The following EXOC3 variants were observed in gnomAD, a reference collection of about 807,000 sequenced individuals.
EXOC3 encodes the protein exocyst complex component 3.
EXOC3 carries 21 observed loss-of-function variants against 73.7 expected under a neutral mutation model. That is an observed-to-expected ratio of 0.29 (90% CI 0.20 to 0.41). The LOEUF is 0.41. EXOC3 is among the 10% of genes least tolerant of loss of function. The pLI, the probability that EXOC3 is intolerant of heterozygous loss-of-function variation, is 1.00. For synonymous variants in EXOC3, 410 were observed against 389.1 expected, an observed-to-expected ratio of 1.05 and a Z score of -0.63; for missense variants, 842 against 985.1, an observed-to-expected ratio of 0.85 and a Z score of 1.95.
At chr5:446,387 G>A in intron 2 of EXOC3, 38 bp downstream of exon 2, 1 of 1,531,312 alleles carries the variant, frequency 6.5e-7, no homozygotes, top group Non-Finnish European at 8.7e-7. Context: ...TCTGTCTTGG[G>A]CTTCAGGTTC....
At chr5:464,518 C>T (rs1244917652) in intron 10 of EXOC3, 106 bp downstream of exon 10, 2 of 1,276,698 alleles carry the variant, frequency 1.6e-6, no homozygotes, top group Non-Finnish European at 2.2e-6. Context: ...TGAACGTTCA[C>T]TTGTTGTCCT....
intron 6 of EXOC3, 74 bp downstream of exon 6, chr5:458,099 C>T (rs1302246014): frequency 4.1e-6 from 6 of 1,472,856 alleles, no homozygotes; most frequent in Non-Finnish European, 5.6e-6. Flanking sequence ...TACAAAGTGA[C>T]ACAGATACCT....
intron 12 of EXOC3, 168 bp from the exon 13 acceptor site, chr5:466,559 T>C: frequency 3.3e-6 from 2 of 599,388 alleles, no homozygotes; most frequent in Non-Finnish European, 5.8e-6. Flanking sequence ...CAGAGTAAGA[T>C]GAAAATGCAG....
At chr5:450,480 C>G (rs1016149311) in intron 3 of EXOC3, among the ~76,000 whole-genome samples, 2 of 152,088 alleles carry the variant, frequency 1.3e-5, no homozygotes, top group Admixed American at 1.3e-4. Flanking sequence ...GAAGACTGTC[C>G]CATGTGCACG....
Position 457,030 on chromosome 5 carries a change from C to T in EXOC3, c.1164+24C>T, listed in dbSNP as rs1737839167. The T allele has an allele frequency of 2.0e-6, 3 of 1,530,810 alleles. No individual in the cohort carries two copies. In the South Asian group the frequency reaches 3.4e-5, roughly 17 times the overall value. 94.8% of individuals were successfully genotyped at this position (1,530,810 alleles called of 1,614,324 possible). A position where few individuals can be genotyped will look rare whatever the true frequency, so the allele number is the denominator to read the frequency against. On this transcript the variant is annotated intron_variant, in intron 5 of 12. Coordinates refer to ENST00000512944, the MANE Select transcript of EXOC3 (RefSeq NM_007277.5). ...CTGTGAGTAGGGCTGGCCTGCGTGCCACAGACCACCGTGCTGGTTATATGA... is the reference window on the plus strand; with the variant it reads ...CTGTGAGTAGGGCTGGCCTGCGTGCTACAGACCACCGTGCTGGTTATATGA...
chr5:465,289 T>TC lies in EXOC3; in HGVS notation c.1938+19dup. 6.4e-7 allele frequency: 1 copy of TC among 1,567,158 alleles called. No homozygotes were observed. The highest frequency in any genetic ancestry group is 1.2e-5 in the South Asian group (1 of 85,186). On this transcript the variant is annotated intron_variant, in intron 11 of 12. Transcript: ENST00000512944. ...CTGGCGTCCGTGAGTGTCGCGCAGGTCCGGGCTGGAGAAGGCCTGTCGCTC... is the reference window on the plus strand; with the variant it reads ...CTGGCGTCCGTGAGTGTCGCGCAGGTCCCGGGCTGGAGAAGGCCTGTCGCTC...
intron 1 of EXOC3, among the ~76,000 whole-genome samples, chr5:445,722 CG>C (rs1435361516): frequency 6.6e-6 from 1 of 152,104 alleles, no homozygotes; most frequent in African/African-American, 2.4e-5. Flanking sequence ...GGTACCTGGT[CG>C]GGGGAGTTGT....
intron 4 of EXOC3, among the ~76,000 whole-genome samples, chr5:454,698 G>A (rs368662905): frequency 6.6e-6 from 1 of 152,248 alleles, no homozygotes; most frequent in East Asian, 1.9e-4. Flanking sequence ...GTGCAGTGGT[G>A]GGGGTATTCT....
At chr5:448,836 C>T (rs75636641) in intron 3 of EXOC3, among the ~76,000 whole-genome samples, 10,944 of 152,300 alleles carry the variant, frequency 0.072, 501 homozygotes, top group Admixed American at 0.13. Flanking sequence ...AGGGCATGAT[C>T]CGTAGGGTCA....
At chr5:458,585 G>A (rs1737890944) in intron 6 of EXOC3, among the ~76,000 whole-genome samples, 1 of 152,198 alleles carries the variant, frequency 6.6e-6, no homozygotes, top group South Asian at 2.1e-4. Context: ...TTTTACCACG[G>A]ATTCACTTTC....
intron 12 of EXOC3, chr5:466,300 G>A (rs923824558): frequency 4.1e-6 from 1 of 241,556 alleles, no homozygotes; most frequent in South Asian, 7.4e-5. Flanking sequence ...ACCCACGCAC[G>A]TCCCCCCTCC....
chr5:463,202 A>G (rs1253178946), intron 9 of EXOC3, among the ~76,000 whole-genome samples: 1 of 152,270 alleles, frequency 6.6e-6, no homozygotes, highest in African/African-American at 2.4e-5. Context: ...TTGCTGATTC[A>G]TCAGTGTCTG....
In EXOC3 at chr5:443,257, G is replaced by GTA. The variant is rs1248437974; in HGVS notation, c.-90_-89insTA. On this transcript the variant is annotated 5_prime_UTR_variant, in exon 1 of 13. Transcript: ENST00000512944. ...CGGCGGCGGCGGCGGCGGCGGCGGC[G>GTA]GCGGCGGCGGCGGCGGCGGCGTAGC... is the stretch of plus-strand genomic sequence containing the variant. 1.1e-4 allele frequency: 8 copies of GTA among 74,928 alleles called. No homozygotes were observed. Among genetic ancestry groups the GTA allele is most frequent in the East Asian group, 2.1e-4 (1 of 4,844 alleles). 4.6% of individuals were successfully genotyped at this position (74,928 alleles called of 1,614,324 possible). A position where few individuals can be genotyped will look rare whatever the true frequency, so the allele number is the denominator to read the frequency against.
chr5:457,364 C>T, intron 5 of EXOC3: 1 of 291,270 alleles, frequency 3.4e-6, no homozygotes, highest in Non-Finnish European at 6.6e-6. Context: ...AGGGCGAGTC[C>T]ATTTGCAGCC....
In EXOC3 at chr5:465,235, C is replaced by G; in HGVS notation, c.1901C>G (p.Ala634Gly). ...KEGAEKMVRE[A>G]EQLRFLFRKL... ...GGTGCCGAGAAGATGGTTAGGGAGG[C>G]AGAGCAGCTGCGCTTCCTGTTCCGG... Residue 634 changes from alanine to glycine, a missense_variant, in exon 11 of 13, where the codon GCA becomes GGA. Coordinates refer to ENST00000512944, the MANE Select transcript of EXOC3 (RefSeq NM_007277.5). The G allele has an allele frequency of 6.3e-7, 1 of 1,591,874 alleles. No homozygotes were observed. Among genetic ancestry groups the G allele is most frequent in the Non-Finnish European group, 8.5e-7 (1 of 1,169,598 alleles).
intron 3 of EXOC3, among the ~76,000 whole-genome samples, chr5:448,654 G>A (rs781688168): frequency 3.9e-5 from 6 of 152,154 alleles, no homozygotes; most frequent in Admixed American, 2.6e-4. Context: ...CATCTGTGAC[G>A]CTGCTCGGCT....
intron 3 of EXOC3, 101 bp downstream of exon 3, chr5:447,853 C>A: frequency 1.3e-6 from 1 of 781,438 alleles, no homozygotes; most frequent in Non-Finnish European, 2.0e-6. Context: ...GCACTGTAGA[C>A]CTGTAGACGG....
At position 467,162 on chromosome 5, in the gene EXOC3, A is replaced by C; in HGVS notation, c.*264A>C. On this transcript the variant is annotated 3_prime_UTR_variant, in exon 13 of 13. Coordinates refer to ENST00000512944, the MANE Select transcript of EXOC3 (RefSeq NM_007277.5). ...GGGTGCTTGTTTGTTGCAGTGGTTG[A>C]AAGTGTGTGGGGCACAGAGGACGTG... The C allele has an allele frequency of 2.0e-6, 1 of 490,098 alleles. No homozygotes were observed. The highest frequency in any genetic ancestry group is 1.9e-5 in the African/African-American group (1 of 52,270). The allele number at this position is 490,098 out of a possible 1,614,324, so 30.4% of individuals were successfully genotyped here. A position where few individuals can be genotyped will look rare whatever the true frequency, so the allele number is the denominator to read the frequency against.
intron 7 of EXOC3, 49 bp from the exon 8 acceptor site, chr5:461,911 G>A (rs373334871): frequency 3.0e-6 from 4 of 1,355,322 alleles, no homozygotes; most frequent in South Asian, 1.2e-5. Context: ...ATTTGAAACA[G>A]CTCCATGTTG....
Sources: allele counts gnomAD v4.1 joint callset (sites outside exome capture counted in the v4.1 genomes callset), GRCh38; gene constraint gnomAD v4.1.1; transcripts MANE v1.5; gene names NCBI Gene and HGNC (gene_info 2026-07-23, HGNC 2026-07-21).